CERS6: variants seen among roughly 807,000 people sequenced by gnomAD.
The protein encoded by CERS6 is ceramide synthase 6, also known as LAG1 homolog, ceramide synthase 6.
Under a neutral mutation model 56.8 loss-of-function variants are expected in CERS6, and 26 were observed. The observed-to-expected ratio is 0.46, with a 90% CI of 0.34 to 0.63. The LOEUF (loss-of-function observed/expected upper bound fraction) is 0.63. Ranked by LOEUF, CERS6 falls within the 30% of genes least tolerant of loss-of-function variation. The pLI, the probability that CERS6 is intolerant of heterozygous loss-of-function variation, is 0.01. For synonymous variants in CERS6, 164 were observed against 173.3 expected (o/e 0.95, Z 0.42); for missense variants, 415 against 467.5 (o/e 0.89, Z 1.04).
At chr2:168,478,651 G>A (rs918412592) in intron 1 of CERS6, among the ~76,000 whole-genome samples, 1 of 152,182 alleles carries the variant, frequency 6.6e-6, no homozygotes, top group East Asian at 1.9e-4. Flanking sequence ...TCGTGCATGT[G>A]AAAGTGTAAG....
intron 3 of CERS6, among the ~76,000 whole-genome samples, chr2:168,604,096 C>T (rs1683995972): frequency 6.6e-6 from 1 of 152,178 alleles, no homozygotes; most frequent in Admixed American, 6.5e-5. Context: ...GAGTCATTCT[C>T]AATCTGTCAG....
intron 4 of CERS6, among the ~76,000 whole-genome samples, chr2:168,646,852 C>T (rs1295434634): frequency 6.6e-6 from 1 of 152,032 alleles, no homozygotes; most frequent in Non-Finnish European, 1.5e-5. Context: ...GGTGTGTGGC[C>T]TTATTTCTGG....
At chr2:168,669,983 C>T (rs1435401843) in intron 4 of CERS6, among the ~76,000 whole-genome samples, 1 of 152,198 alleles carries the variant, frequency 6.6e-6, no homozygotes, top group Non-Finnish European at 1.5e-5. Flanking sequence ...CCTGATTATA[C>T]TATCAGTATA....
chr2:168,481,471 CT>C (rs1263587937), intron 1 of CERS6, among the ~76,000 whole-genome samples: 2 of 151,960 alleles, frequency 1.3e-5, no homozygotes, highest in Non-Finnish European at 2.9e-5. Context: ...AACTGAGCAA[CT>C]TTTTTTTGCC....
At chr2:168,574,408 GTGTGTGTCAAGCAT>G (rs1380715350) in intron 3 of CERS6, among the ~76,000 whole-genome samples, 11 of 94,540 alleles carry the variant, frequency 1.2e-4, no homozygotes, top group Admixed American at 5.5e-4. Context: ...GTGTGTGTGT[GTGTGTGTCAAGCAT>G]TTACTATCTG....
intron 8 of CERS6, among the ~76,000 whole-genome samples, chr2:168,722,999 G>C (rs1000621100): frequency 6.6e-6 from 1 of 152,168 alleles, no homozygotes; most frequent in Non-Finnish European, 1.5e-5. Flanking sequence ...TATCCACTCT[G>C]TGCTGCTGTT....
chr2:168,567,783 G>T (rs1695909822), intron 3 of CERS6, among the ~76,000 whole-genome samples: 1 of 152,174 alleles, frequency 6.6e-6, no homozygotes, highest in Non-Finnish European at 1.5e-5. Flanking sequence ...TTCTGTAATT[G>T]GTGTGCCTGT....
At chr2:168,720,570 C>G (rs905171107) in intron 8 of CERS6, among the ~76,000 whole-genome samples, 1 of 152,138 alleles carries the variant, frequency 6.6e-6, no homozygotes, top group Non-Finnish European at 1.5e-5. Flanking sequence ...TGCATGGGTT[C>G]AAATCCTGCC....
At chr2:168,581,844 T>C (rs1001497973) in intron 3 of CERS6, among the ~76,000 whole-genome samples, 2 of 152,158 alleles carry the variant, frequency 1.3e-5, no homozygotes, top group Non-Finnish European at 2.9e-5. Context: ...TCTTAGGAAA[T>C]ATTAAGGAGG....
intron 4 of CERS6, among the ~76,000 whole-genome samples, chr2:168,631,823 TTATA>T (rs1227275186): frequency 7.6e-6 from 1 of 131,070 alleles, no homozygotes; most frequent in Non-Finnish European, 1.6e-5. Context: ...TTATTATATA[TTATA>T]TAATATATAT....
chr2:168,660,136 A>G (rs959245384), intron 4 of CERS6, among the ~76,000 whole-genome samples: 3 of 152,222 alleles, frequency 2.0e-5, no homozygotes, highest in Non-Finnish European at 4.4e-5. Flanking sequence ...TACTCAGCAC[A>G]ACGTTCAACA....
At chr2:168,623,646 C>G (rs772523861) in intron 3 of CERS6, among the ~76,000 whole-genome samples, 15 of 152,108 alleles carry the variant, frequency 9.9e-5, no homozygotes, top group Non-Finnish European at 1.8e-4. Flanking sequence ...AAAATTTCAC[C>G]AATCTACCTA....
intron 7 of CERS6, 70 bp from the exon 8 acceptor site, chr2:168,717,802 A>G: frequency 9.3e-7 from 1 of 1,076,462 alleles, no homozygotes; most frequent in South Asian, 1.5e-5. Context: ...TAGGAGATTC[A>G]TGCATATTGA....
chr2:168,654,843 C>T (rs1230344740), intron 4 of CERS6, among the ~76,000 whole-genome samples: 2 of 152,146 alleles, frequency 1.3e-5, no homozygotes, highest in Non-Finnish European at 2.9e-5. Context: ...TATTGATAAT[C>T]TCAAGAACAC....
chr2:168,619,202 ACTC>A (rs1447109410), intron 3 of CERS6, among the ~76,000 whole-genome samples: 1 of 152,226 alleles, frequency 6.6e-6, no homozygotes, highest in African/African-American at 2.4e-5. Context: ...CATCTACAAA[ACTC>A]AATTCAAGAT....
At chr2:168,643,481 A>G (rs1266924764) in intron 4 of CERS6, among the ~76,000 whole-genome samples, 1 of 152,182 alleles carries the variant, frequency 6.6e-6, no homozygotes, top group African/African-American at 2.4e-5. Flanking sequence ...TGTTGATAGC[A>G]TGATGTTTTG....
At chr2:168,511,365 A>G (rs547694445) in intron 1 of CERS6, among the ~76,000 whole-genome samples, 1 of 152,286 alleles carries the variant, frequency 6.6e-6, no homozygotes, top group Non-Finnish European at 1.5e-5. Context: ...AGTTTGGCTA[A>G]TTGGAAGATT....
chr2:168,739,466 A>G (rs938384631), intron 8 of CERS6, among the ~76,000 whole-genome samples: 5 of 152,116 alleles, frequency 3.3e-5, no homozygotes, highest in Non-Finnish European at 5.9e-5. Context: ...GAAAATTCCT[A>G]AATTTACCAT....
chr2:168,729,065 T>A (rs979000309), intron 8 of CERS6, among the ~76,000 whole-genome samples: 8 of 149,534 alleles, frequency 5.3e-5, no homozygotes, highest in African/African-American at 1.7e-4. Flanking sequence ...CTACACAGAA[T>A]TAATGTCTTA....
Sources: allele counts gnomAD v4.1 joint callset (sites outside exome capture counted in the v4.1 genomes callset), GRCh38; gene constraint gnomAD v4.1.1; transcripts MANE v1.5; gene names NCBI Gene and HGNC (gene_info 2026-07-23, HGNC 2026-07-21).